RIMS1: variants seen among roughly 807,000 people sequenced by gnomAD.
RIMS1 encodes the protein regulating synaptic membrane exocytosis 1.
A neutral mutation model predicts 214.1 loss-of-function variants in RIMS1; 83 were observed. That is an observed-to-expected ratio of 0.39 (90% CI 0.32 to 0.47). The LOEUF is 0.47. RIMS1 is among the 20% of genes least tolerant of loss of function. The pLI, the probability that RIMS1 is intolerant of heterozygous loss-of-function variation, is 0.99. For missense variants in RIMS1, 2,050 were observed against 2,161.8 expected, an observed-to-expected ratio of 0.95 and a Z score of 1.03; for synonymous variants, 793 against 786.8, an observed-to-expected ratio of 1.01 and a Z score of -0.13.
intron 2 of RIMS1, among the ~76,000 whole-genome samples, chr6:72,047,312 A>AT (rs1315810889): frequency 1.3e-5 from 2 of 152,168 alleles, no homozygotes; most frequent in Non-Finnish European, 2.9e-5. Flanking sequence ...TTCCAAATTA[A>AT]TTCCCAATGC....
intron 6 of RIMS1, among the ~76,000 whole-genome samples, chr6:72,209,545 A>G (rs1222896321): frequency 2.6e-5 from 4 of 152,152 alleles, no homozygotes; most frequent in African/African-American, 4.8e-5. Context: ...GCTGTATGCA[A>G]TCGGAATTTA....
At chr6:72,242,245 A>G in intron 9 of RIMS1, 69 bp from the exon 10 acceptor site, 1 of 1,262,342 alleles carries the variant, frequency 7.9e-7, no homozygotes, top group Non-Finnish European at 1.1e-6. Flanking sequence ...CTTTGTTAAA[A>G]AAGAGAAAAG....
At chr6:72,119,426 A>AATGATT (rs1562355228) in intron 4 of RIMS1, among the ~76,000 whole-genome samples, 1 of 151,554 alleles carries the variant, frequency 6.6e-6, no homozygotes, top group Non-Finnish European at 1.5e-5. Context: ...TCCCATCATC[A>AATGATT]TTCTTCACAG....
chr6:71,905,493 TAG>T (rs1774997213), intron 1 of RIMS1, among the ~76,000 whole-genome samples: 1 of 152,096 alleles, frequency 6.6e-6, no homozygotes, highest in Non-Finnish European at 1.5e-5. Flanking sequence ...CAGGAGATGA[TAG>T]GAAATGTAGG....
intron 2 of RIMS1, among the ~76,000 whole-genome samples, chr6:72,063,240 C>A (rs1181682002): frequency 6.6e-6 from 1 of 152,092 alleles, no homozygotes; most frequent in Admixed American, 6.5e-5. Context: ...TTAATTCCCC[C>A]TTACCTTATT....
chr6:71,935,603 C>T (rs1784209223), intron 1 of RIMS1, among the ~76,000 whole-genome samples: 1 of 152,076 alleles, frequency 6.6e-6, no homozygotes, highest in African/African-American at 2.4e-5. Flanking sequence ...AATATTTTCC[C>T]TCTGGCCCGT....
At chr6:72,193,483 T>C (rs1358846352) in intron 6 of RIMS1, among the ~76,000 whole-genome samples, 1 of 152,228 alleles carries the variant, frequency 6.6e-6, no homozygotes, top group Non-Finnish European at 1.5e-5. Context: ...GCAACACCTT[T>C]TATCACTGTA....
At chr6:72,363,170 C>T (rs2097881384) in intron 29 of RIMS1, among the ~76,000 whole-genome samples, 1 of 151,744 alleles carries the variant, frequency 6.6e-6, no homozygotes, top group Non-Finnish European at 1.5e-5. Flanking sequence ...GGGAGTAGTG[C>T]AAGGGAAAGA....
At chr6:72,217,323 C>G (rs1202074336) in intron 6 of RIMS1, 1 of 1,274,940 alleles carries the variant, frequency 7.8e-7, no homozygotes, top group Non-Finnish European at 1.1e-6. Context: ...GAGTAAGATA[C>G]TAAAATGTTT....
At chr6:72,023,955 A>T (rs1284888995) in intron 2 of RIMS1, among the ~76,000 whole-genome samples, 3 of 152,106 alleles carry the variant, frequency 2.0e-5, no homozygotes, top group Non-Finnish European at 4.4e-5. Context: ...GGAAAGGTTG[A>T]CTCCTTCAAA....
At chr6:71,977,725 A>G (rs1458202872) in intron 2 of RIMS1, among the ~76,000 whole-genome samples, 6 of 151,678 alleles carry the variant, frequency 4.0e-5, no homozygotes, top group Non-Finnish European at 8.9e-5. Flanking sequence ...GGATGATGGT[A>G]TGTGAAATGG....
intron 9 of RIMS1, among the ~76,000 whole-genome samples, chr6:72,241,629 A>G (rs1042507304): frequency 6.6e-6 from 1 of 152,168 alleles, no homozygotes; most frequent in African/African-American, 2.4e-5. Context: ...ATTGTACTTT[A>G]ATGTTCACAA....
chr6:72,214,704 A>G (rs888243065), intron 6 of RIMS1, among the ~76,000 whole-genome samples: 18 of 152,214 alleles, frequency 1.2e-4, no homozygotes, highest in Admixed American at 1.2e-3. Flanking sequence ...GAGCCTACAT[A>G]GGCTTATATG....
chr6:72,182,249 A>C, intron 5 of RIMS1, 35 bp from the exon 6 acceptor site: 1 of 1,523,228 alleles, frequency 6.6e-7, no homozygotes, highest in Non-Finnish European at 8.8e-7. Context: ...AGTCTTTATA[A>C]ATTGCTCTCC....
chr6:71,941,551 C>A (rs531967318), intron 1 of RIMS1, among the ~76,000 whole-genome samples: 1 of 152,056 alleles, frequency 6.6e-6, no homozygotes, highest in African/African-American at 2.4e-5. Context: ...GGTTTTCTTC[C>A]CCTTCTTATG....
intron 17 of RIMS1, 36 bp downstream of exon 17, chr6:72,258,317 A>AC: frequency 6.4e-7 from 1 of 1,571,850 alleles, no homozygotes; most frequent in South Asian, 1.2e-5. Flanking sequence ...CCCTGACAGT[A>AC]CATTTTTATT....
chr6:71,923,725 C>T (rs1780724200), intron 1 of RIMS1, among the ~76,000 whole-genome samples: 1 of 152,068 alleles, frequency 6.6e-6, no homozygotes, highest in African/African-American at 2.4e-5. Flanking sequence ...CCACCATGCC[C>T]AGCTAATTTT....
At chr6:71,902,536 T>C (rs1346810470) in intron 1 of RIMS1, among the ~76,000 whole-genome samples, 1 of 152,124 alleles carries the variant, frequency 6.6e-6, no homozygotes, top group Non-Finnish European at 1.5e-5. Flanking sequence ...TCTTTTTTTC[T>C]TCAACAGTTA....
intron 4 of RIMS1, among the ~76,000 whole-genome samples, chr6:72,105,062 C>G (rs1390437342): frequency 6.6e-6 from 1 of 152,084 alleles, no homozygotes; most frequent in African/African-American, 2.4e-5. Context: ...TCCTGAGCAG[C>G]TAGGACCACA....
Sources: allele counts gnomAD v4.1 joint callset (sites outside exome capture counted in the v4.1 genomes callset), GRCh38; gene constraint gnomAD v4.1.1; transcripts MANE v1.5; gene names NCBI Gene and HGNC (gene_info 2026-07-23, HGNC 2026-07-21).